RORA: variants seen among roughly 807,000 people sequenced by gnomAD.
RORA encodes the protein RAR related orphan receptor A, also known as nuclear receptor ROR-alpha.
RORA carries 7 observed loss-of-function variants against 69.5 expected under a neutral mutation model. That is an observed-to-expected ratio of 0.10 (90% CI 0.06 to 0.19). The LOEUF (loss-of-function observed/expected upper bound fraction) is 0.19, where lower values mean the gene tolerates loss of function less well. RORA is among the 10% of genes least tolerant of loss of function. The pLI, the probability that RORA is intolerant of heterozygous loss-of-function variation, is 1.00. For synonymous variants in RORA, 261 were observed against 240.8 expected (o/e 1.08, Z -0.78); for missense variants, 457 against 663.0 (o/e 0.69, Z 3.41).
intron 1 of RORA, among the ~76,000 whole-genome samples, chr15:60,727,809 A>G (rs1012542699): frequency 5.3e-5 from 8 of 152,196 alleles, no homozygotes; most frequent in African/African-American, 1.9e-4. Flanking sequence ...GATAGTTTCA[A>G]TGGGGCACCT....
At chr15:60,973,541 C>A (rs1893787221) in intron 1 of RORA, among the ~76,000 whole-genome samples, 1 of 152,242 alleles carries the variant, frequency 6.6e-6, no homozygotes, top group African/African-American at 2.4e-5. Context: ...GCGTAGCCTG[C>A]AGTAGTTCTC....
At position 60,684,366 on chromosome 15, in the gene RORA, A is replaced by G. The variant is rs139741104; in HGVS notation, c.167-5680T>C. Among the ~76,000 whole-genome samples, 650 of 152,342 alleles carry G rather than the reference A, an allele frequency of 4.3e-3. 29 individuals carry two copies. In the South Asian group the frequency reaches 0.072, roughly 17 times the overall value. Reference sequence around the variant, plus strand: ...CATGGTGGCTCACGCCTGTAATCCCAGAACTTTGGGAGGCCGAGATGGGTG... The same window carrying G: ...CATGGTGGCTCACGCCTGTAATCCCGGAACTTTGGGAGGCCGAGATGGGTG... On this transcript the variant is annotated intron_variant, in intron 1 of 10. Transcript: ENST00000335670.
intron 1 of RORA, among the ~76,000 whole-genome samples, chr15:61,036,210 G>A (rs1297343051): frequency 5.3e-5 from 8 of 152,140 alleles, no homozygotes; most frequent in Non-Finnish European, 1.5e-5. Context: ...AGGTCCTACG[G>A]GAGCAGCCAG....
intron 1 of RORA, among the ~76,000 whole-genome samples, chr15:60,681,332 G>C (rs2070639592): frequency 6.6e-6 from 1 of 151,510 alleles, no homozygotes; most frequent in Non-Finnish European, 1.5e-5. Context: ...ACCCTCAAAA[G>C]AGTAAATACT....
chr15:61,096,647 T>C (rs1362674153), intron 1 of RORA, among the ~76,000 whole-genome samples: 1 of 152,132 alleles, frequency 6.6e-6, no homozygotes, highest in Non-Finnish European at 1.5e-5. Context: ...AAGAGCTGGA[T>C]CTTCCTTGCA....
chr15:60,748,039 T>C (rs1026995955), intron 1 of RORA, among the ~76,000 whole-genome samples: 5 of 152,178 alleles, frequency 3.3e-5, no homozygotes, highest in Non-Finnish European at 7.3e-5. Flanking sequence ...ACAAGCAAAC[T>C]TGCTCGCCCC....
At chr15:61,140,730 T>C (rs556902514) in intron 1 of RORA, among the ~76,000 whole-genome samples, 1 of 152,282 alleles carries the variant, frequency 6.6e-6, no homozygotes, top group East Asian at 1.9e-4. Flanking sequence ...AGCAGTTTTA[T>C]CAGGGGTCAG....
intron 1 of RORA, among the ~76,000 whole-genome samples, chr15:60,912,890 G>C (rs910639043): frequency 4.6e-5 from 7 of 152,084 alleles, no homozygotes; most frequent in Non-Finnish European, 1.0e-4. Flanking sequence ...CTTTACTGAG[G>C]CATAGTTTAT....
At chr15:60,635,559 ATTTGACTCTATTGAT>A in intron 2 of RORA, among the ~76,000 whole-genome samples, 1 of 152,322 alleles carries the variant, frequency 6.6e-6, no homozygotes, top group Middle Eastern at 3.4e-3. Context: ...TGTTAACTGC[ATTTGACTCTATTGAT>A]TAAAATATAC....
At chr15:61,087,948 T>G (rs1201865338) in intron 1 of RORA, among the ~76,000 whole-genome samples, 2 of 152,382 alleles carry the variant, frequency 1.3e-5, no homozygotes, top group Middle Eastern at 3.4e-3. Context: ...CATTTCTCGA[T>G]GTGCTCAGGG....
At position 61,130,967 on chromosome 15, in the gene RORA, A is replaced by C. The variant is rs538059604; in HGVS notation, c.166+98086T>G. Among the ~76,000 whole-genome samples the C allele has an allele frequency of 5.9e-5, 9 of 152,338 alleles. No individual in the cohort carries two copies. In the South Asian group the frequency reaches 1.7e-3, roughly 28 times the overall value. On this transcript the variant is annotated intron_variant, in intron 1 of 10. Coordinates refer to ENST00000335670, the MANE Select transcript of RORA (RefSeq NM_134261.3). ...TAAAAACAATTCATCAATAGTGGTG[A>C]AGCCCAGGTCTCCTGACTCCAAATA...
chr15:60,924,823 A>T (rs1005103762), intron 1 of RORA, among the ~76,000 whole-genome samples: 2 of 152,166 alleles, frequency 1.3e-5, no homozygotes, highest in African/African-American at 4.8e-5. Context: ...TCATGCCTGT[A>T]ATCCCAGCAC....
chr15:60,914,341 G>C (rs1482035837), intron 1 of RORA, among the ~76,000 whole-genome samples: 4 of 152,150 alleles, frequency 2.6e-5, no homozygotes, highest in Non-Finnish European at 4.4e-5. Flanking sequence ...CAGGCTCCTA[G>C]CCACAGAGAA....
At chr15:60,916,347 A>G (rs529680496) in intron 1 of RORA, among the ~76,000 whole-genome samples, 14 of 152,342 alleles carry the variant, frequency 9.2e-5, no homozygotes, top group Admixed American at 2.6e-4. Context: ...AAACAAGGGA[A>G]GAGACCCTGG....
intron 2 of RORA, among the ~76,000 whole-genome samples, chr15:60,646,048 A>T (rs2070041246): frequency 6.6e-6 from 1 of 152,210 alleles, no homozygotes; most frequent in Non-Finnish European, 1.5e-5. Flanking sequence ...ACCCTGGCAA[A>T]GTCTTGACCT....
chr15:61,130,480 T>C (rs2079180755), intron 1 of RORA, among the ~76,000 whole-genome samples: 1 of 152,242 alleles, frequency 6.6e-6, no homozygotes, highest in Non-Finnish European at 1.5e-5. Context: ...ACGCACTGCC[T>C]TTCGCAGTGT....
At chr15:61,196,610 C>T (rs1018912678) in intron 1 of RORA, among the ~76,000 whole-genome samples, 11 of 152,236 alleles carry the variant, frequency 7.2e-5, no homozygotes, top group South Asian at 2.1e-4. Flanking sequence ...AGTAGCACTA[C>T]GACTCAGTTA....
intron 2 of RORA, among the ~76,000 whole-genome samples, chr15:60,557,499 G>A (rs1274593450): frequency 6.6e-6 from 1 of 152,168 alleles, no homozygotes; most frequent in African/African-American, 2.4e-5. Context: ...ATACAAGCTC[G>A]GCCTTGCTTG....
chr15:61,130,257 G>A (rs2079179115), intron 1 of RORA, among the ~76,000 whole-genome samples: 1 of 152,200 alleles, frequency 6.6e-6, no homozygotes, highest in African/African-American at 2.4e-5. Flanking sequence ...TGGAAGGGAT[G>A]AGATAAATGT....
Sources: allele counts gnomAD v4.1 joint callset (sites outside exome capture counted in the v4.1 genomes callset), GRCh38; gene constraint gnomAD v4.1.1; transcripts MANE v1.5; gene names NCBI Gene and HGNC (gene_info 2026-07-23, HGNC 2026-07-21).